The following FAM117B variants were observed in gnomAD, a reference collection of about 807,000 sequenced individuals.
FAM117B encodes the protein family with sequence similarity 117 member B, also known as protein FAM117B.
A neutral mutation model predicts 52.8 loss-of-function variants in FAM117B; 22 were observed. That is an observed-to-expected ratio of 0.42 (90% CI 0.30 to 0.59). The LOEUF (loss-of-function observed/expected upper bound fraction) is 0.59. Among genes scored for constraint, FAM117B ranks in the 20% least tolerant of loss-of-function variants. FAM117B has a pLI of 0.22. For missense variants in FAM117B, 678 were observed against 802.6 expected (o/e 0.84, Z 1.88); for synonymous variants, 309 against 324.1 (o/e 0.95, Z 0.50).
At chr2:202,741,764 C>T (rs1270957892) in intron 4 of FAM117B, among the ~76,000 whole-genome samples, 1 of 152,090 alleles carries the variant, frequency 6.6e-6, no homozygotes. Context: ...TCTCGATCTC[C>T]TGACCTCGTG....
intron 2 of FAM117B, among the ~76,000 whole-genome samples, chr2:202,723,803 G>A (rs1442475275): frequency 6.6e-6 from 1 of 152,138 alleles, no homozygotes; most frequent in Admixed American, 6.5e-5. Flanking sequence ...AGGGGTTGCT[G>A]TGTCAGTTTG....
Position 202,722,007 on chromosome 2 carries a change from AT to A in FAM117B, c.754-2890del, listed in dbSNP as rs57678317. 2.8e-3 allele frequency among the ~76,000 whole-genome samples: 365 copies of A among 128,598 alleles called. 1 individual carries two copies. The highest frequency in any genetic ancestry group is 6.3e-3 in the African/African-American group (216 of 34,464). The allele number at this position is 128,598 out of a possible 152,430, so 84.4% of individuals were successfully genotyped here. A position where few individuals can be genotyped will look rare whatever the true frequency, so the allele number is the denominator to read the frequency against. Reference sequence around the variant, plus strand: ...AAGAGAAGCATCTTGTAAAGATACAATTTTTTTTTTTTTTTTTTTTGGAGAT... The same window carrying A: ...AAGAGAAGCATCTTGTAAAGATACAATTTTTTTTTTTTTTTTTTTGGAGAT... On this transcript the variant is annotated intron_variant, in intron 2 of 7. Transcript: ENST00000392238.
intron 2 of FAM117B, among the ~76,000 whole-genome samples, chr2:202,714,216 T>C (rs1691001813): frequency 6.6e-6 from 1 of 152,234 alleles, no homozygotes; most frequent in Non-Finnish European, 1.5e-5. Flanking sequence ...AGACTTTTTT[T>C]TGTGACCTAA....
At chr2:202,651,264 G>A (rs141493582) in intron 1 of FAM117B, among the ~76,000 whole-genome samples, 2,892 of 151,928 alleles carry the variant, frequency 0.019, 47 homozygotes, top group Admixed American at 0.029. Flanking sequence ...GTTTCACTAC[G>A]TTGGCCAGGC....
In FAM117B at chr2:202,768,264, AT is replaced by A. The variant is rs1692015138; in HGVS notation, c.*2501del. 1 of 152,152 alleles carries A rather than the reference AT, an allele frequency of 6.6e-6. No homozygotes were observed. The highest frequency in any genetic ancestry group is 1.5e-5 in the Non-Finnish European group (1 of 68,030). 9.4% of individuals were successfully genotyped at this position (152,152 alleles called of 1,614,324 possible). On this transcript the variant is annotated 3_prime_UTR_variant, in exon 8 of 8. Coordinates refer to ENST00000392238, the MANE Select transcript of FAM117B (RefSeq NM_173511.4). ...TGTTGTGCCTATTTGTCTAATTCATATCTTTCTGTGGAGTTTCATATGTCCT... is the reference window on the plus strand; with the variant it reads ...TGTTGTGCCTATTTGTCTAATTCATACTTTCTGTGGAGTTTCATATGTCCT...
At chr2:202,677,807 A>C (rs543575379) in intron 1 of FAM117B, among the ~76,000 whole-genome samples, 1 of 152,338 alleles carries the variant, frequency 6.6e-6, no homozygotes, top group Non-Finnish European at 1.5e-5. Context: ...ATATTTATTG[A>C]ATTAACGAAT....
At chr2:202,706,523 A>G (rs935236426) in intron 2 of FAM117B, among the ~76,000 whole-genome samples, 1 of 152,228 alleles carries the variant, frequency 6.6e-6, no homozygotes, top group African/African-American at 2.4e-5. Flanking sequence ...ATAAAAGTTG[A>G]ATATTTGTTA....
At chr2:202,746,215 C>G (rs1691630057) in intron 4 of FAM117B, among the ~76,000 whole-genome samples, 1 of 152,030 alleles carries the variant, frequency 6.6e-6, no homozygotes, top group South Asian at 2.1e-4. Context: ...CATATCTCAA[C>G]AAATTTTTAA....
intron 2 of FAM117B, among the ~76,000 whole-genome samples, chr2:202,699,419 C>T (rs1574560884): frequency 8.7e-6 from 1 of 115,308 alleles, no homozygotes. Flanking sequence ...AGAGTGAGAC[C>T]CCATCTCAAA....
At chr2:202,755,084 T>C (rs1691782001) in intron 4 of FAM117B, among the ~76,000 whole-genome samples, 1 of 151,756 alleles carries the variant, frequency 6.6e-6, no homozygotes, top group African/African-American at 2.4e-5. Context: ...TACACACCTT[T>C]AAACAACCAG....
chr2:202,763,957 A>AG (rs1390628132), intron 7 of FAM117B, among the ~76,000 whole-genome samples: 2 of 152,148 alleles, frequency 1.3e-5, no homozygotes, highest in African/African-American at 4.8e-5. Context: ...GCTACCTGTA[A>AG]ACCTTTTTAT....
chr2:202,697,430 A>C (rs1347405795), intron 2 of FAM117B, among the ~76,000 whole-genome samples: 1 of 152,226 alleles, frequency 6.6e-6, no homozygotes, highest in Non-Finnish European at 1.5e-5. Context: ...AAAAACATTT[A>C]AAGATTTAAA....
At chr2:202,710,721 C>T (rs1690944871) in intron 2 of FAM117B, among the ~76,000 whole-genome samples, 1 of 151,884 alleles carries the variant, frequency 6.6e-6, no homozygotes, top group Admixed American at 6.6e-5. Context: ...TGCTGCTAAC[C>T]TTCTCAGCCT....
intron 1 of FAM117B, among the ~76,000 whole-genome samples, chr2:202,651,080 T>A (rs1039294840): frequency 1.1e-3 from 144 of 125,496 alleles, no homozygotes; most frequent in African/African-American, 3.7e-3. Context: ...TTTTTTTTTT[T>A]AAGACGGAAT....
At chr2:202,729,556 C>T (rs1052664997) in intron 4 of FAM117B, among the ~76,000 whole-genome samples, 3 of 152,038 alleles carry the variant, frequency 2.0e-5, no homozygotes, top group Non-Finnish European at 4.4e-5. Flanking sequence ...TATTGTCTGT[C>T]CTTACCAGTT....
intron 2 of FAM117B, among the ~76,000 whole-genome samples, chr2:202,702,844 C>G (rs947715953): frequency 6.6e-6 from 1 of 152,138 alleles, no homozygotes. Context: ...TGAGCCACTG[C>G]GCCCAGCCAC....
chr2:202,668,066 T>A (rs1690231181), intron 1 of FAM117B, among the ~76,000 whole-genome samples: 1 of 145,438 alleles, frequency 6.9e-6, no homozygotes, highest in Admixed American at 6.9e-5. Flanking sequence ...ATATATATAT[T>A]GTAAATATAT....
chr2:202,656,661 T>C (rs559794781), intron 1 of FAM117B, among the ~76,000 whole-genome samples: 1 of 152,336 alleles, frequency 6.6e-6, no homozygotes, highest in African/African-American at 2.4e-5. Context: ...CCTTGTGTAT[T>C]GTGCTGTTGT....
chr2:202,744,314 A>G (rs996327193), intron 4 of FAM117B, among the ~76,000 whole-genome samples: 1 of 152,214 alleles, frequency 6.6e-6, no homozygotes, highest in African/African-American at 2.4e-5. Context: ...CAGAGATAAC[A>G]TATCAAGTGA....
Sources: allele counts gnomAD v4.1 joint callset (sites outside exome capture counted in the v4.1 genomes callset), GRCh38; gene constraint gnomAD v4.1.1; transcripts MANE v1.5; gene names NCBI Gene and HGNC (gene_info 2026-07-23, HGNC 2026-07-21).